The following ADGRG6 variants were observed in gnomAD, a reference collection of about 807,000 sequenced individuals.
ADGRG6 encodes the protein adhesion G protein-coupled receptor G6.
ADGRG6 carries 84 observed loss-of-function variants against 142.4 expected under a neutral mutation model. That is an observed-to-expected ratio of 0.59 (90% confidence interval 0.49 to 0.71). ADGRG6 has a LOEUF of 0.71. Ranked by LOEUF, ADGRG6 falls within the 30% of genes least tolerant of loss-of-function variation. The pLI is 0.00. For missense variants in ADGRG6, 1,367 were observed against 1,466.6 expected (o/e 0.93, Z 1.11); for synonymous variants, 521 against 520.5 (o/e 1.00, Z -0.01).
intron 2 of ADGRG6, among the ~76,000 whole-genome samples, chr6:142,311,581 A>T (rs1777773205): frequency 6.6e-6 from 1 of 151,972 alleles, no homozygotes; most frequent in Admixed American, 6.6e-5. Context: ...CTTTTTTTGC[A>T]TAAATCAAAG....
At chr6:142,411,964 G>C (rs1184573973) in intron 18 of ADGRG6, among the ~76,000 whole-genome samples, 1 of 152,144 alleles carries the variant, frequency 6.6e-6, no homozygotes, top group African/African-American at 2.4e-5. Flanking sequence ...AGAGCTGCAA[G>C]AGAGATAATG....
intron 5 of ADGRG6, among the ~76,000 whole-genome samples, chr6:142,382,513 G>A (rs893476925): frequency 6.6e-6 from 1 of 152,266 alleles, no homozygotes; most frequent in Non-Finnish European, 1.5e-5. Context: ...TAATGTTAAT[G>A]TAACTGTGTT....
intron 22 of ADGRG6, among the ~76,000 whole-genome samples, chr6:142,429,609 G>C (rs967240697): frequency 6.6e-6 from 1 of 152,160 alleles, no homozygotes; most frequent in Non-Finnish European, 1.5e-5. Context: ...CTGAAAACAG[G>C]AGCTGTTTAA....
chr6:142,365,331 T>C (rs917384255), intron 2 of ADGRG6, among the ~76,000 whole-genome samples: 1 of 152,248 alleles, frequency 6.6e-6, no homozygotes, highest in African/African-American at 2.4e-5. Context: ...ATGGAGTCTT[T>C]CTTTAATTTA....
In ADGRG6 at chr6:142,403,702, A is replaced by G. The variant is rs543850401; in HGVS notation, c.1956-100A>G. The stretch of plus-strand genomic sequence containing the variant: ...GTTAAGATCAGAAAATCTAAACACA[A>G]TTTTATTTTGTTTGTATTTTGCCAT... On this transcript the variant is annotated intron_variant, in intron 13 of 24. Transcript: ENST00000367609. 4 of 716,118 alleles carry G rather than the reference A, an allele frequency of 5.6e-6. No homozygotes were observed. The South Asian group carries it at 6.5e-5, about 12-fold the overall frequency. 44.4% of individuals were successfully genotyped at this position (716,118 alleles called of 1,614,324 possible). A position where few individuals can be genotyped will look rare whatever the true frequency, so the allele number is the denominator to read the frequency against.
chr6:142,352,193 A>G lies in ADGRG6; in HGVS notation c.104-15376A>G, dbSNP rs555583569. On this transcript the variant is annotated intron_variant, in intron 2 of 24. Transcript: ENST00000367609. ...TGTTCATTGCAGCACTATTCACAAT[A>G]GCAGAGACATGGAGTCAACCACGAT... Among the ~76,000 whole-genome samples the G allele has an allele frequency of 2.6e-5, 4 of 152,360 alleles. No homozygotes were observed. In the South Asian group the frequency reaches 6.2e-4, roughly 24 times the overall value.
At chr6:142,350,835 TC>T (rs1780136617) in intron 2 of ADGRG6, among the ~76,000 whole-genome samples, 1 of 152,110 alleles carries the variant, frequency 6.6e-6, no homozygotes. Flanking sequence ...TCAAAGCTGT[TC>T]CGATCAAACT....
intron 1 of ADGRG6, among the ~76,000 whole-genome samples, chr6:142,305,984 A>G (rs1216109601): frequency 6.6e-6 from 1 of 152,212 alleles, no homozygotes; most frequent in Non-Finnish European, 1.5e-5. Context: ...GCAGACTTGA[A>G]TAAACCAAAT....
At chr6:142,395,335 A>C (rs925952946) in intron 9 of ADGRG6, among the ~76,000 whole-genome samples, 1 of 152,130 alleles carries the variant, frequency 6.6e-6, no homozygotes, top group East Asian at 1.9e-4. Flanking sequence ...GTCATATTGC[A>C]TCTTCAGTAA....
intron 2 of ADGRG6, among the ~76,000 whole-genome samples, chr6:142,346,484 T>C (rs1277489545): frequency 6.6e-6 from 1 of 152,196 alleles, no homozygotes; most frequent in Non-Finnish European, 1.5e-5. Context: ...TTGCCCACTT[T>C]TTGATGGAGT....
chr6:142,317,165 C>T (rs1255407980), intron 2 of ADGRG6, among the ~76,000 whole-genome samples: 4 of 152,064 alleles, frequency 2.6e-5, no homozygotes, highest in Admixed American at 6.6e-5. Flanking sequence ...CTTTACTTGG[C>T]GTTTGGTTAG....
chr6:142,441,467 T>C (rs1401897700), intron 24 of ADGRG6, among the ~76,000 whole-genome samples: 6 of 152,116 alleles, frequency 3.9e-5, no homozygotes, highest in Non-Finnish European at 7.4e-5. Flanking sequence ...ATAATCAAAG[T>C]CTTTATTACC....
At chr6:142,415,568 T>C (rs973567011) in intron 19 of ADGRG6, among the ~76,000 whole-genome samples, 1 of 152,200 alleles carries the variant, frequency 6.6e-6, no homozygotes, top group African/African-American at 2.4e-5. Flanking sequence ...GGGAATTGTA[T>C]AAACAATTGG....
At chr6:142,312,644 T>C (rs1315643512) in intron 2 of ADGRG6, among the ~76,000 whole-genome samples, 1 of 152,020 alleles carries the variant, frequency 6.6e-6, no homozygotes, top group Non-Finnish European at 1.5e-5. Context: ...GGAGAGTAAT[T>C]AGGTAACACA....
At position 142,402,726 on chromosome 6, in the gene ADGRG6, G is replaced by C. The variant is rs1175514401; in HGVS notation, c.1851G>C (p.Val617=). The C allele has an allele frequency of 1.3e-6, 2 of 1,598,094 alleles. No individual in the cohort carries two copies. ...TNIVEQVKRI[V]NKEENIDITL... ...TTGTGGAACAGGTCAAAAGAATTGTGAATAAAGAAGAAAACATTGATATAA... is the reference window on the plus strand; with the variant it reads ...TTGTGGAACAGGTCAAAAGAATTGTCAATAAAGAAGAAAACATTGATATAA... The change falls in exon 13 of 25, where the codon GTG becomes GTC. Residue 617 remains valine (V), a synonymous_variant. Transcript: ENST00000367609.
chr6:142,314,986 G>A lies in ADGRG6; in HGVS notation c.103+5342G>A, dbSNP rs557501326. Among the ~76,000 whole-genome samples the A allele has an allele frequency of 2.0e-4, 31 of 151,702 alleles. 1 individual carries two copies. The South Asian group carries it at 6.3e-3, about 31-fold the overall frequency. ...CCAATCATGGAGTGTGTGTGTGTGT[G>A]TGTGTGTGTGTGTGTGTGTTATACA... is the stretch of plus-strand genomic sequence containing the variant. On this transcript the variant is annotated intron_variant, in intron 2 of 24. Transcript: ENST00000367609.
intron 11 of ADGRG6, among the ~76,000 whole-genome samples, chr6:142,401,253 G>C (rs1775508761): frequency 6.6e-6 from 1 of 152,190 alleles, no homozygotes; most frequent in African/African-American, 2.4e-5. Context: ...GGACTGTAGA[G>C]ATGTATGGAC....
At chr6:142,415,530 TA>T (rs948350966) in intron 19 of ADGRG6, among the ~76,000 whole-genome samples, 5 of 151,650 alleles carry the variant, frequency 3.3e-5, no homozygotes, top group African/African-American at 1.2e-4. Flanking sequence ...TTTCCTGGGT[TA>T]AAAAAAAATT....
intron 2 of ADGRG6, among the ~76,000 whole-genome samples, chr6:142,357,142 T>G (rs541352344): frequency 6.6e-6 from 1 of 152,314 alleles, no homozygotes; most frequent in East Asian, 1.9e-4. Flanking sequence ...TAGCTAGATC[T>G]TGTGATTTTA....
Sources: allele counts gnomAD v4.1 joint callset (sites outside exome capture counted in the v4.1 genomes callset), GRCh38; gene constraint gnomAD v4.1.1; transcripts MANE v1.5; gene names NCBI Gene and HGNC (gene_info 2026-07-23, HGNC 2026-07-21).